Variants in NME6 observed in about 807,000 individuals in gnomAD.
The protein encoded by NME6 is NME/NM23 nucleoside diphosphate kinase 6.
NME6 carries 16 observed loss-of-function variants against 22.2 expected under a neutral mutation model. The ratio of observed to expected loss-of-function variants is 0.72; its 90% CI spans 0.49 to 1.09. The LOEUF is 1.09. NME6 is among the 50% of genes least tolerant of loss of function. NME6 has a pLI of 0.00. For missense variants in NME6, 229 were observed against 239.0 expected, an observed-to-expected ratio of 0.96 and a Z score of 0.28; for synonymous variants, 58 against 85.2, an observed-to-expected ratio of 0.68 and a Z score of 1.76.
At position 48,293,781 on chromosome 3, in the gene NME6, T is replaced by C. The variant is rs766808325; in HGVS notation, c.*856A>G. On this transcript the variant is annotated 3_prime_UTR_variant, in exon 6 of 6. Coordinates refer to ENST00000442597, the MANE Select transcript of NME6 (RefSeq NM_001308426.2). ...TCTTAACCATCTTTGCATTTTTCAGTATGTCTTGAATAGAGAATTTATGAA... is the reference window on the plus strand; with the variant it reads ...TCTTAACCATCTTTGCATTTTTCAGCATGTCTTGAATAGAGAATTTATGAA... 6.6e-6 allele frequency: 1 copy of C among 152,172 alleles called. No homozygotes were observed. The highest frequency in any genetic ancestry group is 1.5e-5 in the Non-Finnish European group (1 of 68,032). The allele number at this position is 152,172 out of a possible 1,614,324, so 9.4% of individuals were successfully genotyped here.
intron 1 of NME6, 119 bp downstream of exon 1, chr3:48,301,234 C>T: frequency 6.5e-7 from 1 of 1,545,864 alleles, no homozygotes; most frequent in Non-Finnish European, 8.8e-7. Context: ...GACCCAGCCC[C>T]CTACTTCTCT....
chr3:48,290,987 A>G (rs2034413611), downstream of NME6: 4 of 290,008 alleles, frequency 1.4e-5, 1 homozygote, highest in South Asian at 7.5e-5. Context: ...GTGCGTGGTA[A>G]TTTGGTAATC....
rs960241149 is a variant in NME6, at chr3:48,296,338, T to G, written c.194-180A>C. On this transcript the variant is annotated intron_variant, in intron 3 of 5. Transcript: ENST00000442597. ...CTGCCACTTACAACCTGCGTAGTTT[T>G]GGGTAAATCATTAACCTCCTAAACT... is the stretch of plus-strand genomic sequence containing the variant. 3.7e-6 allele frequency: 3 copies of G among 805,294 alleles called. No individual in the cohort carries two copies. The Admixed American group carries it at 7.0e-5, about 19-fold the overall frequency. 49.9% of individuals were successfully genotyped at this position (805,294 alleles called of 1,614,324 possible).
chr3:48,291,402 A>T (rs1275235425), downstream of NME6: 2 of 391,046 alleles, frequency 5.1e-6, no homozygotes, highest in Non-Finnish European at 1.0e-5. Flanking sequence ...TATTTTTTTA[A>T]GACAGGGTCT....
At chr3:48,290,139 C>T (rs994436249), downstream of NME6, among the ~76,000 whole-genome samples, 10 of 151,706 alleles carry the variant, frequency 6.6e-5, no homozygotes, top group African/African-American at 2.4e-4. Context: ...CGGCTCACTG[C>T]AGCCTCCACC....
At position 48,294,633 on chromosome 3, in the gene NME6, T is replaced by C. The variant is rs759898308; in HGVS notation, c.*4A>G. 3.7e-6 allele frequency: 6 copies of C among 1,613,818 alleles called. No individual in the cohort carries two copies. The highest frequency in any genetic ancestry group is 1.7e-4 in the Middle Eastern group (1 of 6,010). On this transcript the variant is annotated 3_prime_UTR_variant, in exon 6 of 6. Transcript: ENST00000442597. ...GCACTACCACTGGTCTTCATAGACC[T>C]GCATCAGGCTGGTCCTAGGCCTCCT...
At chr3:48,290,204 G>T (rs151189550), downstream of NME6, among the ~76,000 whole-genome samples, 4 of 151,612 alleles carry the variant, frequency 2.6e-5, no homozygotes, top group Non-Finnish European at 5.9e-5. Context: ...GGGACTACAG[G>T]CATGTGCCAC....
At chr3:48,298,929 A>T in intron 1 of NME6, 1 of 702,808 alleles carries the variant, frequency 1.4e-6, no homozygotes, top group Non-Finnish European at 2.6e-6. Context: ...TGATGAATTC[A>T]TCTCTTAAAA....
At chr3:48,291,993 C>G (rs908661181), downstream of NME6, 1 of 152,266 alleles carries the variant, frequency 6.6e-6, no homozygotes, top group African/African-American at 2.4e-5. Flanking sequence ...TCTCGATCTC[C>G]TGACCTTGTG....
chr3:48,289,584 C>T (rs972434087), downstream of NME6, among the ~76,000 whole-genome samples: 1 of 152,142 alleles, frequency 6.6e-6, no homozygotes, highest in Non-Finnish European at 1.5e-5. Flanking sequence ...CTCTTTTCTC[C>T]TGGCTGCTCC....
At chr3:48,299,123 G>A (rs2035438647) in intron 1 of NME6, 4 of 566,460 alleles carry the variant, frequency 7.1e-6, no homozygotes, top group East Asian at 2.9e-5. Flanking sequence ...TGTCCTCAGT[G>A]GTAACACTGA....
At chr3:48,301,174 AC>A (rs952652700) in intron 1 of NME6, 178 bp downstream of exon 1, 30 of 1,252,500 alleles carry the variant, frequency 2.4e-5, no homozygotes, top group Non-Finnish European at 3.1e-5. Flanking sequence ...CTGCGCCCCT[AC>A]CCCCGTGGCC....
intron 3 of NME6, 99 bp downstream of exon 3, chr3:48,296,628 T>C (rs1284181533): frequency 1.3e-5 from 10 of 796,768 alleles, no homozygotes; most frequent in South Asian, 8.3e-5. Context: ...CTGTACACGG[T>C]TGGTAGGTCA....
intron 5 of NME6, 43 bp downstream of exon 5, chr3:48,295,032 C>T (rs778261240): frequency 3.8e-5 from 61 of 1,588,130 alleles, no homozygotes; most frequent in South Asian, 3.6e-4. Context: ...ACAGCCTGCC[C>T]GCTAACCCCA....
At chr3:48,296,583 T>A in intron 3 of NME6, 144 bp downstream of exon 3, 1 of 627,140 alleles carries the variant, frequency 1.6e-6, no homozygotes, top group Non-Finnish European at 2.8e-6. Context: ...GAAAAGTGTG[T>A]GTTTTAAACC....
chr3:48,295,518 C>A, intron 4 of NME6: 1 of 391,540 alleles, frequency 2.6e-6, no homozygotes, highest in Non-Finnish European at 4.6e-6. Context: ...GCCCCAAACC[C>A]GTGTTTCTTC....
In NME6 at chr3:48,293,438, G is replaced by C. The variant is rs1217982289; in HGVS notation, c.*1199C>G. 6.6e-6 allele frequency: 1 copy of C among 152,194 alleles called. No homozygotes were observed. The highest frequency in any genetic ancestry group is 1.9e-4 in the East Asian group (1 of 5,196). 9.4% of individuals were successfully genotyped at this position (152,194 alleles called of 1,614,324 possible). ...GAGAAAGAAAAGTCAAGACCTGTAA[G>C]AAGTGTCACAGGTTTCTTAGGTCAC... On this transcript the variant is annotated 3_prime_UTR_variant, in exon 6 of 6. Transcript: ENST00000442597.
At chr3:48,297,577 A>G (rs1304069515) in intron 2 of NME6, 2 of 152,258 alleles carry the variant, frequency 1.3e-5, no homozygotes, top group Non-Finnish European at 2.9e-5. Flanking sequence ...AAGATTTCCC[A>G]CCCTAATCTC....
downstream of NME6, chr3:48,292,110 C>CA (rs1350932480): frequency 4.6e-5 from 7 of 152,236 alleles, no homozygotes; most frequent in East Asian, 1.9e-4. Flanking sequence ...CAAATATCAT[C>CA]ACATTGGGGG....
Sources: allele counts gnomAD v4.1 joint callset (sites outside exome capture counted in the v4.1 genomes callset), GRCh38; gene constraint gnomAD v4.1.1; transcripts MANE v1.5; gene names NCBI Gene and HGNC (gene_info 2026-07-23, HGNC 2026-07-21).